The following PIAS2 variants were observed in gnomAD, a reference collection of about 807,000 sequenced individuals.
The protein encoded by PIAS2 is E3 SUMO-protein ligase PIAS2.
A neutral mutation model predicts 69.7 loss-of-function variants in PIAS2; 19 were observed. That is an observed-to-expected ratio of 0.27 (90% confidence interval 0.19 to 0.40). The LOEUF (loss-of-function observed/expected upper bound fraction) is 0.40. Ranked by LOEUF, PIAS2 falls within the 10% of genes least tolerant of loss-of-function variation. The probability of loss-of-function intolerance (pLI) is 1.00; values close to 1 mark genes in which losing one functional copy is unlikely to be tolerated. For synonymous variants in PIAS2, 261 were observed against 263.2 expected (o/e 0.99, Z 0.08); for missense variants, 624 against 757.0 (o/e 0.82, Z 2.06).
chr18:46,883,571 C>T (rs968130336), intron 2 of PIAS2, among the ~76,000 whole-genome samples: 1 of 151,866 alleles, frequency 6.6e-6, no homozygotes, highest in Non-Finnish European at 1.5e-5. Context: ...GGCAGAATGG[C>T]TCATGCATTT....
chr18:46,828,659 T>C (rs1245258784), intron 10 of PIAS2, among the ~76,000 whole-genome samples: 3 of 152,244 alleles, frequency 2.0e-5, no homozygotes, highest in Non-Finnish European at 4.4e-5. Context: ...AACTTTCATC[T>C]TGATAAGTTG....
chr18:46,916,429 G>C (rs1278276855), intron 1 of PIAS2, among the ~76,000 whole-genome samples: 1 of 151,176 alleles, frequency 6.6e-6, no homozygotes, highest in African/African-American at 2.4e-5. Context: ...CAGGGTTTCT[G>C]TCCGTAAACA....
chr18:46,886,348 T>C (rs2053180946), intron 2 of PIAS2, among the ~76,000 whole-genome samples: 1 of 152,232 alleles, frequency 6.6e-6, no homozygotes, highest in South Asian at 2.1e-4. Flanking sequence ...AATAAATTTA[T>C]AATAACTGCT....
At chr18:46,919,940 G>A (rs1453040572), upstream of PIAS2, 10 of 574,986 alleles carry the variant, frequency 1.7e-5, no homozygotes, top group Admixed American at 2.6e-5. Context: ...AGGAGTTTTC[G>A]GGGAATAGAC....
In PIAS2 at chr18:46,839,958, C is replaced by T. The variant is rs191153181; in HGVS notation, c.1042-3441G>A. On this transcript the variant is annotated intron_variant, in intron 8 of 13. Coordinates refer to ENST00000585916, the MANE Select transcript of PIAS2 (RefSeq NM_004671.5). The stretch of plus-strand genomic sequence containing the variant: ...CGGGGGAATCACGAGGTCAAAAGCT[C>T]GAGACCAGCCTGACCAACATGGTGA... Among the ~76,000 whole-genome samples, 1,038 of 151,488 alleles carry T rather than the reference C, an allele frequency of 6.9e-3. 7 individuals are homozygous for T. Among genetic ancestry groups the T allele is most frequent in the Non-Finnish European group, 9.5e-3 (643 of 67,942 alleles).
At chr18:46,908,800 G>C (rs1332000735) in intron 1 of PIAS2, among the ~76,000 whole-genome samples, 2 of 152,206 alleles carry the variant, frequency 1.3e-5, no homozygotes, top group Non-Finnish European at 2.9e-5. Flanking sequence ...CCTGAGGTCA[G>C]GAGTTCGAGA....
intron 9 of PIAS2, among the ~76,000 whole-genome samples, chr18:46,832,137 C>T (rs1424152137): frequency 6.6e-6 from 1 of 151,954 alleles, no homozygotes; most frequent in African/African-American, 2.4e-5. Context: ...GGGCAAAAGG[C>T]CAGGCACGGT....
At chr18:46,859,345 G>A (rs567566512) in intron 3 of PIAS2, among the ~76,000 whole-genome samples, 12 of 150,204 alleles carry the variant, frequency 8.0e-5, no homozygotes, top group South Asian at 6.3e-4. Context: ...GGAGAATGGC[G>A]TGAACTCGGG....
chr18:46,901,686 A>G (rs1335013718), intron 1 of PIAS2, among the ~76,000 whole-genome samples: 2 of 152,222 alleles, frequency 1.3e-5, no homozygotes, highest in Non-Finnish European at 2.9e-5. Flanking sequence ...ATATGATCAA[A>G]TCAATCAATG....
In PIAS2 at chr18:46,895,588, T is replaced by C. The variant is rs570158099; in HGVS notation, c.25-4534A>G. The stretch of plus-strand genomic sequence containing the variant: ...AGGGAGGCTGAGGCAGGAGAAATGC[T>C]TGAACCCGGGAAGTGGTGGTTGCGG... On this transcript the variant is annotated intron_variant, in intron 1 of 13. Coordinates refer to ENST00000585916, the MANE Select transcript of PIAS2 (RefSeq NM_004671.5). Among the ~76,000 whole-genome samples, 9 of 152,296 alleles carry C rather than the reference T, an allele frequency of 5.9e-5. No homozygotes were observed. In the East Asian group the frequency reaches 1.4e-3, roughly 23 times the overall value.
intron 5 of PIAS2, chr18:46,853,985 C>T (rs2145415083): frequency 6.6e-6 from 1 of 152,426 alleles, no homozygotes; most frequent in East Asian, 1.9e-4. Context: ...ATTTCAGTCT[C>T]AGATGCATCT....
chr18:46,855,321 T>C (rs1315979898), intron 5 of PIAS2, 24 bp downstream of exon 5: 1 of 1,450,194 alleles, frequency 6.9e-7, no homozygotes, highest in Non-Finnish European at 9.6e-7. Flanking sequence ...TATATGCAAA[T>C]CTGGTGAATA....
At chr18:46,837,378 C>A (rs972496342) in intron 8 of PIAS2, among the ~76,000 whole-genome samples, 3 of 152,280 alleles carry the variant, frequency 2.0e-5, no homozygotes, top group African/African-American at 7.2e-5. Flanking sequence ...TCTTCTTTTA[C>A]TTCTAAGAGT....
Position 46,890,923 on chromosome 18 carries a change from C to G in PIAS2, c.156G>C (p.Ala52=). ...ACAATTCTCGGATTTTAATCTGAAC[C>G]GCAGGGCTGCAGCCGCTCTTCAATA... The part of the protein sequence containing the change: ...LHLLKSGCSP[A]VQIKIRELYR... Residue 52 remains alanine, a synonymous_variant, in exon 2 of 14, where the codon GCG becomes GCC. Transcript: ENST00000585916. 2.5e-6 allele frequency: 4 copies of G among 1,614,144 alleles called. No homozygotes were observed. Among genetic ancestry groups the G allele is most frequent in the Non-Finnish European group, 3.4e-6 (4 of 1,180,012 alleles).
chr18:46,877,724 T>C (rs573414304), intron 2 of PIAS2, among the ~76,000 whole-genome samples: 58 of 152,254 alleles, frequency 3.8e-4, no homozygotes, highest in African/African-American at 1.2e-3. Flanking sequence ...GCGTTAGGGA[T>C]AAAAACCCCT....
intron 2 of PIAS2, among the ~76,000 whole-genome samples, chr18:46,874,353 G>A (rs1297172925): frequency 1.3e-5 from 2 of 152,052 alleles, no homozygotes; most frequent in Non-Finnish European, 2.9e-5. Flanking sequence ...TGTAGTTAAG[G>A]CATTAATCAA....
chr18:46,834,278 T>TA (rs879453803), intron 9 of PIAS2, among the ~76,000 whole-genome samples: 170 of 150,994 alleles, frequency 1.1e-3, no homozygotes, highest in African/African-American at 3.3e-3. Flanking sequence ...CAAGACTTGA[T>TA]AAAAAAAAAT....
At chr18:46,863,883 G>A (rs2145599366) in intron 3 of PIAS2, among the ~76,000 whole-genome samples, 1 of 151,950 alleles carries the variant, frequency 6.6e-6, no homozygotes, top group East Asian at 1.9e-4. Flanking sequence ...AAAGCCACAG[G>A]GTAGGTCCCC....
chr18:46,817,710 T>C (rs1191861198), intron 12 of PIAS2: 1 of 944,020 alleles, frequency 1.1e-6, no homozygotes, highest in Admixed American at 6.2e-5. Flanking sequence ...GCTGTCTATA[T>C]AAAACCTGTT....
Sources: gnomAD v4.1 joint callset for allele counts (sites outside exome capture counted in the v4.1 genomes callset) on GRCh38, gnomAD v4.1.1 for gene constraint, MANE v1.5 for transcripts, NCBI Gene and HGNC (gene_info 2026-07-23, HGNC 2026-07-21) for gene names.